Variants in CDH12 observed in about 807,000 individuals in gnomAD.
The protein encoded by CDH12 is cadherin 12, also known as cadherin-12.
In CDH12, 41 loss-of-function variants were observed where a neutral mutation model predicts 74.1. The ratio of observed to expected loss-of-function variants is 0.55; its 90% CI spans 0.43 to 0.72. CDH12 has a LOEUF of 0.72. Among genes scored for constraint, CDH12 ranks in the 30% least tolerant of loss-of-function variants. The probability of loss-of-function intolerance (pLI) is 0.00; values close to 1 mark genes in which losing one functional copy is unlikely to be tolerated. For synonymous variants in CDH12, 399 were observed against 355.0 expected (o/e 1.12, Z -1.39); for missense variants, 945 against 977.2 (o/e 0.97, Z 0.44).
chr5:22,603,286 AC>A (rs1459689665), intron 1 of CDH12, among the ~76,000 whole-genome samples: 10 of 152,182 alleles, frequency 6.6e-5, no homozygotes, highest in African/African-American at 2.4e-4. Flanking sequence ...ATTTTACCAC[AC>A]TAAAATAGTT....
intron 3 of CDH12, among the ~76,000 whole-genome samples, chr5:22,239,409 T>G (rs973234548): frequency 2.0e-5 from 3 of 151,936 alleles, no homozygotes; most frequent in African/African-American, 7.3e-5. Context: ...CAAAGATTAT[T>G]CAATAACATC....
intron 1 of CDH12, among the ~76,000 whole-genome samples, chr5:22,548,223 G>A (rs1738413419): frequency 6.6e-6 from 1 of 152,080 alleles, no homozygotes; most frequent in South Asian, 2.1e-4. Context: ...TGACGTAGTT[G>A]GTCTTGTTAA....
At chr5:22,584,019 T>C (rs969667283) in intron 1 of CDH12, among the ~76,000 whole-genome samples, 12 of 152,102 alleles carry the variant, frequency 7.9e-5, no homozygotes, top group African/African-American at 2.9e-4. Flanking sequence ...ATCAAACTAT[T>C]ATCTAGTTGC....
intron 1 of CDH12, among the ~76,000 whole-genome samples, chr5:22,606,492 T>C (rs150386010): frequency 1.3e-3 from 198 of 152,258 alleles, no homozygotes; most frequent in African/African-American, 4.6e-3. Flanking sequence ...GTTCTCATGA[T>C]AGTGAGTGAG....
At chr5:22,207,929 A>C (rs1045975654) in intron 4 of CDH12, among the ~76,000 whole-genome samples, 7 of 152,138 alleles carry the variant, frequency 4.6e-5, no homozygotes, top group Admixed American at 3.9e-4. Flanking sequence ...AACAACTATC[A>C]TTTTCTGAGG....
chr5:21,758,728 T>C (rs1304030137), intron 13 of CDH12, among the ~76,000 whole-genome samples: 2 of 152,142 alleles, frequency 1.3e-5, no homozygotes, highest in Admixed American at 1.3e-4. Flanking sequence ...GCAGTAGGAT[T>C]GATGGCAATA....
At chr5:22,367,519 C>G (rs1366356068) in intron 3 of CDH12, among the ~76,000 whole-genome samples, 1 of 152,128 alleles carries the variant, frequency 6.6e-6, no homozygotes, top group Non-Finnish European at 1.5e-5. Context: ...AAAATTTACC[C>G]TAAGTGCTGA....
chr5:22,785,404 C>T (rs1028084344), intron 1 of CDH12, among the ~76,000 whole-genome samples: 3 of 152,064 alleles, frequency 2.0e-5, no homozygotes, highest in African/African-American at 4.8e-5. Context: ...GTTCTACCAC[C>T]TCTGGTAATG....
At chr5:22,025,833 C>G (rs371480530) in intron 5 of CDH12, among the ~76,000 whole-genome samples, 1 of 152,264 alleles carries the variant, frequency 6.6e-6, no homozygotes, top group African/African-American at 2.4e-5. Context: ...TCCATCTTAA[C>G]AAATCACTTT....
chr5:22,401,865 A>G (rs1329184261), intron 3 of CDH12, among the ~76,000 whole-genome samples: 2 of 152,118 alleles, frequency 1.3e-5, no homozygotes, highest in Admixed American at 1.3e-4. Context: ...CCATGTGGAG[A>G]AGGAAGAAGA....
intron 5 of CDH12, among the ~76,000 whole-genome samples, chr5:21,993,417 A>G (rs545432666): frequency 1.6e-4 from 24 of 152,254 alleles, no homozygotes; most frequent in African/African-American, 5.1e-4. Context: ...GGTGGGCCTA[A>G]CCCTATCACA....
chr5:21,823,405 G>A (rs1210219150), intron 8 of CDH12, among the ~76,000 whole-genome samples: 2 of 151,996 alleles, frequency 1.3e-5, no homozygotes, highest in East Asian at 3.9e-4. Context: ...TCTAATGTCA[G>A]AAGCACCTCT....
chr5:22,789,422 T>A (rs1321697484), intron 1 of CDH12, among the ~76,000 whole-genome samples: 1 of 152,052 alleles, frequency 6.6e-6, no homozygotes, highest in Non-Finnish European at 1.5e-5. Flanking sequence ...TAAAAACAAA[T>A]TAATCATGTT....
At chr5:22,658,525 A>C (rs138568556) in intron 1 of CDH12, among the ~76,000 whole-genome samples, 1 of 152,242 alleles carries the variant, frequency 6.6e-6, no homozygotes, top group African/African-American at 2.4e-5. Flanking sequence ...AATCACCTCT[A>C]TTAGAAGAAG....
chr5:22,815,851 A>G (rs556582896), intron 1 of CDH12, among the ~76,000 whole-genome samples: 2 of 151,976 alleles, frequency 1.3e-5, no homozygotes, highest in Non-Finnish European at 2.9e-5. Context: ...CTCTAAGGGG[A>G]AAATACATGT....
At chr5:22,584,457 T>C (rs1035262559) in intron 1 of CDH12, among the ~76,000 whole-genome samples, 1 of 152,232 alleles carries the variant, frequency 6.6e-6, no homozygotes, top group Non-Finnish European at 1.5e-5. Context: ...GAAACTATAA[T>C]TTATTCATTT....
chr5:22,642,938 C>A (rs1440992142), intron 1 of CDH12, among the ~76,000 whole-genome samples: 2 of 152,044 alleles, frequency 1.3e-5, no homozygotes, highest in East Asian at 1.9e-4. Flanking sequence ...CGTTACTGTG[C>A]AAGTGAATGG....
intron 3 of CDH12, among the ~76,000 whole-genome samples, chr5:22,394,051 C>G (rs1318792401): frequency 6.6e-6 from 1 of 152,088 alleles, no homozygotes; most frequent in Non-Finnish European, 1.5e-5. Flanking sequence ...CATTTGATGA[C>G]TCAAGAGGTT....
chr5:22,080,820 C>T (rs893586633), intron 4 of CDH12, among the ~76,000 whole-genome samples: 2 of 151,946 alleles, frequency 1.3e-5, no homozygotes, highest in Non-Finnish European at 2.9e-5. Context: ...TGCTGTGTCT[C>T]CCAGGCTGGA....
Sources: gnomAD v4.1 joint callset for allele counts (sites outside exome capture counted in the v4.1 genomes callset) on GRCh38, gnomAD v4.1.1 for gene constraint, MANE v1.5 for transcripts, NCBI Gene and HGNC (gene_info 2026-07-23, HGNC 2026-07-21) for gene names.